ZFP64: variants seen among roughly 807,000 people sequenced by gnomAD.
ZFP64 encodes zinc finger protein 64.
ZFP64 carries 14 observed loss-of-function variants against 51.6 expected under a neutral mutation model. The observed-to-expected ratio is 0.27, with a 90% confidence interval of 0.18 to 0.42. ZFP64 has a LOEUF of 0.42. Among genes scored for constraint, ZFP64 ranks in the 10% least tolerant of loss-of-function variants. ZFP64 has a pLI of 1.00. For missense variants in ZFP64, 754 were observed against 906.8 expected, an observed-to-expected ratio of 0.83 and a Z score of 2.16; for synonymous variants, 375 against 361.4, an observed-to-expected ratio of 1.04 and a Z score of -0.43.
intron 5 of ZFP64, among the ~76,000 whole-genome samples, chr20:52,123,213 C>T (rs958078593): frequency 8.5e-5 from 13 of 152,060 alleles, no homozygotes; most frequent in African/African-American, 1.2e-4. Flanking sequence ...CGAACATGTT[C>T]GCCATGTTAC....
chr20:52,087,268 T>C (rs1177990353), intron 8 of ZFP64, among the ~76,000 whole-genome samples: 1 of 152,196 alleles, frequency 6.6e-6, no homozygotes, highest in African/African-American at 2.4e-5. Context: ...TTCACTCTAT[T>C]TTCTTCTCAC....
rs762863530 is a variant in ZFP64 at position 52,186,975 on chromosome 20, G to T, written c.143C>A (p.Ala48Asp). The T allele has an allele frequency of 7.4e-6, 12 of 1,614,022 alleles. No individual in the cohort carries two copies. The East Asian group carries it at 2.7e-4, about 36-fold the overall frequency. ...QQFNNLDAFV[A>D]HKQSGCQLTG... ...CAGCTGGCAGCCACTTTGCTTGTGA[G>T]CTACAAAGGCATCCAGGTTGTTAAA... is the stretch of plus-strand genomic sequence containing the variant. The change falls in exon 2 of 6, where the codon GCT (alanine) becomes GAT (aspartate). Residue 48 changes from alanine (A) to aspartate (D), a missense_variant. By Grantham distance (126) the Ala-to-Asp change is moderately radical. Around this residue, in one of 3 missense-constraint regions of ZFP64, gnomAD observed 95 missense variants for 97.7 expected, o/e 0.97. Coordinates refer to ENST00000216923, the MANE Select transcript of ZFP64 (RefSeq NM_018197.3).
At position 52,191,560 on chromosome 20, in the gene ZFP64, GAGCGCGCACTGCTCCCGGAAA is replaced by G; in HGVS notation, c.46+10_46+30del. 1 of 1,557,984 alleles carries G rather than the reference GAGCGCGCACTGCTCCCGGAAA, an allele frequency of 6.4e-7. No homozygotes were observed. Among genetic ancestry groups the G allele is most frequent in the South Asian group, 1.2e-5 (1 of 84,688 alleles). ...GCCCCGGAGCGCGCACTGGGCCCCG[GAGCGCGCACTGCTCCCGGAAA>G]AGCACTTACTTTGCACCGAGCCCGC... On this transcript the variant is annotated intron_variant, in intron 1 of 5. Transcript: ENST00000216923. This position sits in a 1 kb window ranked among gnomAD's most constrained non-coding sequence, Gnocchi z 4.3.
chr20:52,088,572 G>A (rs374574368), exon 8 of ZFP64: 99 of 1,614,194 alleles, frequency 6.1e-5, no homozygotes, highest in Non-Finnish European at 7.6e-5. Context: ...GTGTGGCACC[G>A]CATGTGCATG....
intron 4 of ZFP64, among the ~76,000 whole-genome samples, chr20:52,162,460 A>C (rs2123013053): frequency 6.6e-6 from 1 of 151,890 alleles, no homozygotes; most frequent in Non-Finnish European, 1.5e-5. Flanking sequence ...TCCTGTCTCT[A>C]CCAAAAATAC....
intron 5 of ZFP64, among the ~76,000 whole-genome samples, chr20:52,142,418 A>G (rs1980318274): frequency 6.7e-6 from 1 of 149,426 alleles, no homozygotes; most frequent in East Asian, 2.0e-4. Flanking sequence ...ACACACACAC[A>G]AATTGCTTAA....
chr20:52,119,576 A>AACACACACACACACACATACATACACAC lies in ZFP64; in HGVS notation c.764-20990_764-20989insGTGTGTATGTATGTGTGTGTGTGTGTGT, dbSNP rs1555802580. 4.5e-3 allele frequency among the ~76,000 whole-genome samples: 591 copies of AACACACACACACACACATACATACACAC among 132,556 alleles called. 6 individuals carry two copies. Among genetic ancestry groups the AACACACACACACACACATACATACACAC allele is most frequent in the African/African-American group, 0.014 (474 of 34,072 alleles). 87.0% of individuals were successfully genotyped at this position (132,556 alleles called of 152,430 possible). On this transcript the variant is annotated intron_variant, in intron 5 of 8. Coordinates refer to the ZFP64 transcript ENST00000361387. ...TATACATATATATATATACACACAC[A>AACACACACACACACACATACATACACAC]ACACACACACACACACACACACATA...
At chr20:52,097,874 G>A (rs958200283) in intron 6 of ZFP64, among the ~76,000 whole-genome samples, 1 of 148,814 alleles carries the variant, frequency 6.7e-6, no homozygotes, top group African/African-American at 2.5e-5. Flanking sequence ...TTTGAGACCA[G>A]CCTGGGTAAC....
intron 5 of ZFP64, among the ~76,000 whole-genome samples, chr20:52,115,008 TAACACTGTGA>T (rs1978787136): frequency 6.6e-6 from 1 of 151,850 alleles, no homozygotes; most frequent in Non-Finnish European, 1.5e-5. Flanking sequence ...CCATCCTGGC[TAACACTGTGA>T]AACACTGTCT....
intron 7 of ZFP64, among the ~76,000 whole-genome samples, chr20:52,093,094 T>C (rs895324853): frequency 6.6e-5 from 10 of 152,096 alleles, no homozygotes; most frequent in Non-Finnish European, 1.3e-4. Context: ...CTCACACTTG[T>C]TTCTCTTGCT....
At chr20:52,165,814 T>C (rs1568691571) in intron 3 of ZFP64, 50 bp downstream of exon 3, 2 of 1,611,302 alleles carry the variant, frequency 1.2e-6, no homozygotes, top group African/African-American at 2.7e-5. Flanking sequence ...CCCTGGAGCC[T>C]GGTTAAATAT....
chr20:52,095,601 TG>T (rs773349306), intron 7 of ZFP64, among the ~76,000 whole-genome samples: 1 of 152,208 alleles, frequency 6.6e-6, no homozygotes, highest in Non-Finnish European at 1.5e-5. Flanking sequence ...AGCAGTCACC[TG>T]GGGCCCAGAG....
intron 5 of ZFP64, chr20:52,110,690 G>A (rs1978513800): frequency 3.2e-6 from 5 of 1,547,674 alleles, no homozygotes; most frequent in Non-Finnish European, 4.4e-6. Context: ...TAGACCCCTT[G>A]CCCCTTCAGC....
intron 5 of ZFP64, among the ~76,000 whole-genome samples, chr20:52,159,898 C>A (rs1343602222): frequency 6.6e-6 from 1 of 152,076 alleles, no homozygotes; most frequent in Middle Eastern, 3.2e-3. Flanking sequence ...TTGCTTGAGC[C>A]TGGGAGGTGG....
intron 2 of ZFP64, among the ~76,000 whole-genome samples, chr20:52,176,505 C>CT (rs557663780): frequency 0.02 from 2,756 of 136,690 alleles, 96 homozygotes; most frequent in African/African-American, 0.035. Context: ...TTCAATCTCT[C>CT]TTTTTTTTTT....
chr20:52,124,192 T>TA (rs33931169), intron 5 of ZFP64, among the ~76,000 whole-genome samples: 32,045 of 113,962 alleles, frequency 0.28, 4,144 homozygotes, highest in Middle Eastern at 0.35. Context: ...TTGTTAAATG[T>TA]AAAAAAAAAA....
intron 5 of ZFP64, among the ~76,000 whole-genome samples, chr20:52,119,728 T>C (rs376081714): frequency 4.0e-5 from 6 of 150,778 alleles, no homozygotes; most frequent in East Asian, 3.9e-4. Context: ...AGACTCTGTC[T>C]CAAAACAAAC....
chr20:52,097,328 C>T (rs751833876), intron 7 of ZFP64: 77 of 1,586,578 alleles, frequency 4.9e-5, no homozygotes, highest in Non-Finnish European at 5.9e-5. Flanking sequence ...TTCACATTCA[C>T]GTCCCATCTT....
chr20:52,090,424 G>A (rs1438862470), intron 7 of ZFP64, among the ~76,000 whole-genome samples: 2 of 152,184 alleles, frequency 1.3e-5, no homozygotes, highest in Non-Finnish European at 2.9e-5. Flanking sequence ...AAGGGTGATG[G>A]TGAAGGTAAG....
Sources: allele counts gnomAD v4.1 joint callset (sites outside exome capture counted in the v4.1 genomes callset), GRCh38; gene constraint gnomAD v4.1.1; regional missense constraint gnomAD v4.1.1; non-coding constraint Gnocchi (gnomAD v3.1); transcripts MANE v1.5; gene names NCBI Gene and HGNC (gene_info 2026-07-23, HGNC 2026-07-21).